The following PEDS1 variants were observed in gnomAD, a reference collection of about 807,000 sequenced individuals.
PEDS1 encodes the protein CarF homolog.
Under a neutral mutation model 35.2 loss-of-function variants are expected in PEDS1, and 14 were observed. That is an observed-to-expected ratio of 0.40 (90% confidence interval 0.26 to 0.62). PEDS1 has a LOEUF of 0.62. Among genes scored for constraint, PEDS1 ranks in the 20% least tolerant of loss-of-function variants. The pLI is 0.44. For synonymous variants in PEDS1, 152 were observed against 152.0 expected (o/e 1.00, Z 0.00); for missense variants, 260 against 367.8 (o/e 0.71, Z 2.40).
chr20:50,148,649 A>T (rs2081370336), intron 1 of PEDS1, among the ~76,000 whole-genome samples: 1 of 152,158 alleles, frequency 6.6e-6, no homozygotes, highest in African/African-American at 2.4e-5. Flanking sequence ...TTCTGGTTCC[A>T]GGCAGAGACA....
At chr20:50,130,558 G>A (rs1329784155) in intron 3 of PEDS1, among the ~76,000 whole-genome samples, 1 of 152,212 alleles carries the variant, frequency 6.6e-6, no homozygotes, top group Admixed American at 6.5e-5. Flanking sequence ...ATAAAATGCA[G>A]TTAAAACAGC....
Position 50,153,661 on chromosome 20 carries a change from T to G in PEDS1, c.-24A>C. 15 of 1,221,016 alleles carry G rather than the reference T, an allele frequency of 1.2e-5. No individual in the cohort carries two copies. The highest frequency in any genetic ancestry group is 1.6e-5 in the African/African-American group (1 of 63,834). 75.6% of individuals were successfully genotyped at this position (1,221,016 alleles called of 1,614,324 possible). On this transcript the variant is annotated 5_prime_UTR_variant, in exon 1 of 6. Transcript: ENST00000371652. ...ATGGCCACTCGCCCGATCGGCCCGG[T>G]GCGCTCTGCTGGCGGCGGCGGCGGC...
chr20:50,118,795 T>C lies in PEDS1; in HGVS notation c.*6263A>G, dbSNP rs2081027227. ...CCACCACACCCAGCTAATTATTTCT[T>C]TTGTATTTTTGGTAGAGACGGGGTT... On this transcript the variant is annotated 3_prime_UTR_variant, in exon 6 of 6. Transcript: ENST00000371652. 6.6e-6 allele frequency: 1 copy of C among 151,990 alleles called. No individual in the cohort carries two copies. The highest frequency in any genetic ancestry group is 2.4e-5 in the African/African-American group (1 of 41,362). 9.4% of individuals were successfully genotyped at this position (151,990 alleles called of 1,614,324 possible).
chr20:50,150,948 G>A (rs542786454), intron 1 of PEDS1, among the ~76,000 whole-genome samples: 2 of 152,176 alleles, frequency 1.3e-5, no homozygotes, highest in East Asian at 1.9e-4. Context: ...CACCCACCTC[G>A]GCCTCCCAAA....
At position 50,146,655 on chromosome 20, in the gene PEDS1, C is replaced by A. The variant is rs118015439; in HGVS notation, c.122-3034G>T. On this transcript the variant is annotated intron_variant, in intron 1 of 5. Coordinates refer to ENST00000371652, the MANE Select transcript of PEDS1 (RefSeq NM_199129.4). Reference sequence around the variant, plus strand: ...GACCCAGAACCAGGACAGCTGCCCTCCCCTGCCCCTTGAAAAGACCAAGGC... The same window carrying A: ...GACCCAGAACCAGGACAGCTGCCCTACCCTGCCCCTTGAAAAGACCAAGGC... Among the ~76,000 whole-genome samples, 588 of 152,286 alleles carry A rather than the reference C, an allele frequency of 3.9e-3. 1 individual carries two copies. The highest frequency in any genetic ancestry group is 0.012 in the South Asian group (59 of 4,820).
chr20:50,139,025 G>A (rs1306601747), intron 2 of PEDS1, among the ~76,000 whole-genome samples: 1 of 152,142 alleles, frequency 6.6e-6, no homozygotes, highest in Non-Finnish European at 1.5e-5. Flanking sequence ...GAGGAGCCAA[G>A]TGAATGCACT....
intron 3 of PEDS1, among the ~76,000 whole-genome samples, 175 bp downstream of exon 3, chr20:50,130,681 T>G (rs2081168706): frequency 6.6e-6 from 1 of 152,178 alleles, no homozygotes; most frequent in Non-Finnish European, 1.5e-5. Flanking sequence ...TGCTTTTGCT[T>G]CCAAAATCCC....
rs147438188 is a variant in PEDS1, at chr20:50,152,505, C to T, written c.121+1012G>A. Among the ~76,000 whole-genome samples the T allele has an allele frequency of 4.7e-4, 72 of 152,292 alleles. No individual in the cohort carries two copies. The East Asian group carries it at 9.1e-3, about 19-fold the overall frequency. ...TAACTCCTGGGGATATAGGGCCCTC[C>T]TGAGGCCAAACAGTAAAATTCCTAG... On this transcript the variant is annotated intron_variant, in intron 1 of 5. Coordinates refer to ENST00000371652, the MANE Select transcript of PEDS1 (RefSeq NM_199129.4).
At chr20:50,142,682 G>GCA (rs2081303387) in intron 2 of PEDS1, among the ~76,000 whole-genome samples, 1 of 33,932 alleles carries the variant, frequency 2.9e-5, no homozygotes. Context: ...CAAGTCATCC[G>GCA]CCCCCCCCCC....
At chr20:50,148,565 G>C (rs892012676) in intron 1 of PEDS1, among the ~76,000 whole-genome samples, 1 of 152,202 alleles carries the variant, frequency 6.6e-6, no homozygotes, top group African/African-American at 2.4e-5. Flanking sequence ...GAGCAGGGGA[G>C]GCCTGGGGTC....
In PEDS1 at chr20:50,128,810, A is replaced by T. The variant is rs753851397; in HGVS notation, c.479-623T>A. Among the ~76,000 whole-genome samples the T allele has an allele frequency of 6.6e-6, 1 of 152,192 alleles. No individual in the cohort carries two copies. On this transcript the variant is annotated intron_variant, in intron 4 of 5. Transcript: ENST00000371652. The surrounding 1 kb of genome is among the most constrained non-coding windows in gnomAD (Gnocchi z 5.2). ...GACTAGCGTCGGAGGCGTTTCAGTC[A>T]CTGGCTCCAGCCTTATCCCAAGGAG...
At chr20:50,132,748 A>C (rs1213245441) in intron 2 of PEDS1, among the ~76,000 whole-genome samples, 1 of 152,186 alleles carries the variant, frequency 6.6e-6, no homozygotes, top group Non-Finnish European at 1.5e-5. Flanking sequence ...TTCAGAACTC[A>C]GTAGAGCACT....
intron 2 of PEDS1, among the ~76,000 whole-genome samples, chr20:50,131,862 G>A (rs1200844229): frequency 2.6e-5 from 4 of 152,126 alleles, no homozygotes; most frequent in East Asian, 1.9e-4. Context: ...TAGCTGTGAC[G>A]CTGCACATGT....
chr20:50,138,218 G>A (rs146450468), intron 2 of PEDS1, among the ~76,000 whole-genome samples: 71 of 152,260 alleles, frequency 4.7e-4, no homozygotes, highest in Non-Finnish European at 7.5e-4. Context: ...CTCACTTCAT[G>A]TCCACAGTAA....
intron 2 of PEDS1, among the ~76,000 whole-genome samples, chr20:50,141,649 C>T (rs1477668128): frequency 6.6e-6 from 1 of 152,246 alleles, no homozygotes; most frequent in Non-Finnish European, 1.5e-5. Context: ...TAACCATCCC[C>T]AGATGAGGCT....
At position 50,128,309 on chromosome 20, in the gene PEDS1, T is replaced by G; in HGVS notation, c.479-122A>C. On this transcript the variant is annotated intron_variant, in intron 4 of 5. Coordinates refer to ENST00000371652, the MANE Select transcript of PEDS1 (RefSeq NM_199129.4). The surrounding 1 kb of genome is among the most constrained non-coding windows in gnomAD (Gnocchi z 5.2). ...AGCTGGGCAAGCACCCAGGATTCTCTTCCACCCCCTGCAGGGCCGCAGGCA... is the reference window on the plus strand; with the variant it reads ...AGCTGGGCAAGCACCCAGGATTCTCGTCCACCCCCTGCAGGGCCGCAGGCA... 1.4e-5 allele frequency: 17 copies of G among 1,239,454 alleles called. No homozygotes were observed. The highest frequency in any genetic ancestry group is 2.1e-5 in the Admixed American group (1 of 46,982). 76.8% of individuals were successfully genotyped at this position (1,239,454 alleles called of 1,614,324 possible).
At chr20:50,139,974 A>G in intron 2 of PEDS1, among the ~76,000 whole-genome samples, 1 of 152,022 alleles carries the variant, frequency 6.6e-6, no homozygotes. Context: ...CTCCAGACCT[A>G]GATTTCCAGT....
chr20:50,144,448 C>A (rs1055867778), intron 1 of PEDS1, among the ~76,000 whole-genome samples: 5 of 152,196 alleles, frequency 3.3e-5, no homozygotes, highest in Non-Finnish European at 5.9e-5. Context: ...ACAAATAGGG[C>A]TCTGGGGCAG....
chr20:50,149,668 A>G (rs986026861), intron 1 of PEDS1, among the ~76,000 whole-genome samples: 5 of 151,992 alleles, frequency 3.3e-5, no homozygotes, highest in African/African-American at 7.3e-5. Flanking sequence ...CCTCAGCCCC[A>G]TGCTGCTCTG....
Sources: allele counts gnomAD v4.1 joint callset (sites outside exome capture counted in the v4.1 genomes callset), GRCh38; gene constraint gnomAD v4.1.1; non-coding constraint Gnocchi (gnomAD v3.1); transcripts MANE v1.5; gene names NCBI Gene and HGNC (gene_info 2026-07-23, HGNC 2026-07-21).